Variants in RBFOX1 observed in about 807,000 individuals in gnomAD.
RBFOX1 encodes RNA binding fox-1 homolog 1, also known as RNA binding protein fox-1 homolog 1.
Under a neutral mutation model 57.7 loss-of-function variants are expected in RBFOX1, and 8 were observed. The observed-to-expected ratio is 0.14, with a 90% CI of 0.08 to 0.25. The LOEUF (loss-of-function observed/expected upper bound fraction) is 0.25. Ranked by LOEUF, RBFOX1 falls within the 10% of genes least tolerant of loss-of-function variation. RBFOX1 has a pLI of 1.00. For missense variants in RBFOX1, 611 were observed against 548.5 expected, an observed-to-expected ratio of 1.11 and a Z score of -1.14; for synonymous variants, 326 against 222.4, an observed-to-expected ratio of 1.47 and a Z score of -4.15.
chr16:6,577,930 C>T (rs1308482045), intron 2 of RBFOX1, among the ~76,000 whole-genome samples: 2 of 152,156 alleles, frequency 1.3e-5, no homozygotes, highest in Non-Finnish European at 2.9e-5. Flanking sequence ...AATGAGAAGG[C>T]TGGGATTCAG....
In RBFOX1 at chr16:5,947,164, C is replaced by A. The variant is rs572521744; in HGVS notation, c.351+79829C>A. Among the ~76,000 whole-genome samples, 2 of 152,016 alleles carry A rather than the reference C, an allele frequency of 1.3e-5. No homozygotes were observed. The highest frequency in any genetic ancestry group is 2.9e-5 in the Non-Finnish European group (2 of 68,002). The stretch of plus-strand genomic sequence containing the variant: ...TCAGGAGGTTGAGGTTGCAGCGAGC[C>A]GTGATTCTGCCACTGCTCTCCAGCC... On this transcript the variant is annotated intron_variant, in intron 4 of 19. Transcript: ENST00000641259. This position sits in a 1 kb window ranked among gnomAD's most constrained non-coding sequence, Gnocchi z 7.2.
intron 3 of RBFOX1, among the ~76,000 whole-genome samples, chr16:5,678,153 G>A (rs966101692): frequency 4.6e-5 from 7 of 152,092 alleles, no homozygotes; most frequent in African/African-American, 1.7e-4. Flanking sequence ...GGGCAATTTG[G>A]TGCAGCCTGA....
At chr16:6,254,354 C>T (rs1396183843) in intron 1 of RBFOX1, among the ~76,000 whole-genome samples, 1 of 152,076 alleles carries the variant, frequency 6.6e-6, no homozygotes, top group East Asian at 1.9e-4. Context: ...TTATCAAAAT[C>T]ATGAGAATCA....
chr16:6,309,037 A>T (rs759150095), intron 1 of RBFOX1, among the ~76,000 whole-genome samples: 14 of 152,058 alleles, frequency 9.2e-5, no homozygotes, highest in Admixed American at 2.0e-4. Flanking sequence ...TATACCCAGG[A>T]AGTTTTAATT....
At chr16:6,615,662 C>T (rs2098131366) in intron 2 of RBFOX1, among the ~76,000 whole-genome samples, 2 of 152,136 alleles carry the variant, frequency 1.3e-5, no homozygotes, top group Admixed American at 1.3e-4. Context: ...ATGAAATGTC[C>T]ATGTGCTTTC....
At chr16:6,339,837 AT>A (rs199506223) in intron 2 of RBFOX1, among the ~76,000 whole-genome samples, 11 of 150,820 alleles carry the variant, frequency 7.3e-5, no homozygotes, top group South Asian at 4.2e-4. Flanking sequence ...TGCCCAGCTG[AT>A]TTTTTTTTAT....
At chr16:6,242,210 G>T (rs990299781) in intron 1 of RBFOX1, among the ~76,000 whole-genome samples, 1 of 152,002 alleles carries the variant, frequency 6.6e-6, no homozygotes, top group African/African-American at 2.4e-5. Flanking sequence ...AGTACTATAA[G>T]ACTGATAAGT....
At chr16:7,273,002 C>T (rs1467578837) in intron 4 of RBFOX1, among the ~76,000 whole-genome samples, 1 of 137,482 alleles carries the variant, frequency 7.3e-6, no homozygotes, top group East Asian at 2.3e-4. Context: ...TCCCTTCCTT[C>T]CTCCCTTCCT....
At position 5,979,222 on chromosome 16, in the gene RBFOX1, C is replaced by G. The variant is rs938925874; in HGVS notation, c.351+111887C>G. 6.6e-5 allele frequency among the ~76,000 whole-genome samples: 10 copies of G among 152,288 alleles called. No individual in the cohort carries two copies. In the South Asian group the frequency reaches 1.2e-3, roughly 19 times the overall value. On this transcript the variant is annotated intron_variant, in intron 4 of 19. Coordinates refer to the RBFOX1 transcript ENST00000641259. ...CTGGTTCTTGCAGTAAAAGTAAACC[C>G]CAGCACGTTTCTGGAATGGAGGATT... is the stretch of plus-strand genomic sequence containing the variant.
chr16:6,975,753 A>C (rs148701252), intron 3 of RBFOX1, among the ~76,000 whole-genome samples: 1 of 152,186 alleles, frequency 6.6e-6, no homozygotes, highest in African/African-American at 2.4e-5. Context: ...TTCTACTCCT[A>C]TGACCCCTAA....
chr16:7,556,400 T>C (rs1022686549), intron 5 of RBFOX1, among the ~76,000 whole-genome samples: 6 of 152,196 alleles, frequency 3.9e-5, no homozygotes, highest in Non-Finnish European at 7.3e-5. Flanking sequence ...TTTGAGTAAC[T>C]CAGATCCCTT....
intron 3 of RBFOX1, among the ~76,000 whole-genome samples, chr16:5,699,343 A>T (rs4786760): frequency 0.94 from 140,949 of 150,074 alleles, 66,310 homozygotes; most frequent in Non-Finnish European, 0.96. Flanking sequence ...TATTTAGATT[A>T]TTAAACTATA....
At chr16:5,867,171 TGTG>T in intron 3 of RBFOX1, 1 of 418,872 alleles carries the variant, frequency 2.4e-6, no homozygotes, top group Non-Finnish European at 4.1e-6. Flanking sequence ...TGTGTGTGTG[TGTG>T]GTGTGTGTTG....
intron 3 of RBFOX1, among the ~76,000 whole-genome samples, chr16:5,821,521 T>G (rs545364102): frequency 1.8e-4 from 28 of 152,240 alleles, no homozygotes; most frequent in African/African-American, 6.7e-4. Context: ...CAGGCTTGTG[T>G]CCAGCTCCTG....
chr16:6,158,069 A>G (rs186747465), intron 1 of RBFOX1, among the ~76,000 whole-genome samples: 3 of 152,324 alleles, frequency 2.0e-5, no homozygotes, highest in Admixed American at 2.0e-4. Flanking sequence ...AATGGAAACT[A>G]GGAGCGGGGA....
At chr16:5,783,802 G>T (rs774323688) in intron 3 of RBFOX1, among the ~76,000 whole-genome samples, 5 of 152,118 alleles carry the variant, frequency 3.3e-5, no homozygotes, top group Non-Finnish European at 7.3e-5. Flanking sequence ...TTCCCAGGGG[G>T]CAGGCTCCCT....
chr16:6,831,952 A>T (rs1277060211), intron 3 of RBFOX1, among the ~76,000 whole-genome samples: 1 of 152,238 alleles, frequency 6.6e-6, no homozygotes, highest in Non-Finnish European at 1.5e-5. Context: ...TAAAATTGCT[A>T]TTGCAAAAAC....
intron 4 of RBFOX1, among the ~76,000 whole-genome samples, chr16:7,373,918 G>A (rs181448333): frequency 1.1e-3 from 169 of 152,256 alleles, no homozygotes; most frequent in African/African-American, 3.8e-3. Context: ...TATAACTTAG[G>A]CTCCTCGTAG....
intron 3 of RBFOX1, among the ~76,000 whole-genome samples, chr16:6,663,373 C>T (rs777896245): frequency 1.1e-4 from 16 of 152,110 alleles, no homozygotes; most frequent in Admixed American, 2.6e-4. Context: ...GGCTTATATG[C>T]CAGTGAGGTT....
Sources: gnomAD v4.1 joint callset for allele counts (sites outside exome capture counted in the v4.1 genomes callset) on GRCh38, gnomAD v4.1.1 for gene constraint, Gnocchi (gnomAD v3.1) non-coding constraint, MANE v1.5 for transcripts, NCBI Gene and HGNC (gene_info 2026-07-23, HGNC 2026-07-21) for gene names.